Variants in ATP2B4 observed in about 807,000 individuals in gnomAD.
The protein encoded by ATP2B4 is plasma membrane calcium-transporting ATPase 4.
ATP2B4 carries 39 observed loss-of-function variants against 110.3 expected under a neutral mutation model. That is an observed-to-expected ratio of 0.35 (90% CI 0.27 to 0.46). The LOEUF is 0.46. Among genes scored for constraint, ATP2B4 ranks in the 20% least tolerant of loss-of-function variants. The pLI is 1.00. For synonymous variants in ATP2B4, 538 were observed against 571.7 expected (o/e 0.94, Z 0.84); for missense variants, 1,135 against 1,530.9 (o/e 0.74, Z 4.32).
intron 1 of ATP2B4, among the ~76,000 whole-genome samples, chr1:203,637,910 T>C (rs185569698): frequency 9.8e-5 from 15 of 152,316 alleles, no homozygotes; most frequent in Admixed American, 9.1e-4. Flanking sequence ...TCTAGTGGGA[T>C]ACAAGAGCGG....
chr1:203,711,495 T>G (rs1365409056), intron 12 of ATP2B4, among the ~76,000 whole-genome samples: 1 of 152,198 alleles, frequency 6.6e-6, no homozygotes, highest in Non-Finnish European at 1.5e-5. Flanking sequence ...CTAAGAAGTT[T>G]AGACAGATGG....
intron 13 of ATP2B4, among the ~76,000 whole-genome samples, chr1:203,712,603 A>G (rs2102402146): frequency 6.6e-6 from 1 of 151,856 alleles, no homozygotes; most frequent in South Asian, 2.1e-4. Context: ...AAAAGAAAAA[A>G]AAAAGAGGGG....
intron 1 of ATP2B4, among the ~76,000 whole-genome samples, chr1:203,670,168 ACT>A (rs5780189): frequency 0.69 from 103,917 of 150,580 alleles, 39,429 homozygotes; most frequent in Middle Eastern, 0.86. Flanking sequence ...TTGAGTTCAT[ACT>A]CTTTTTTATT....
intron 20 of ATP2B4, among the ~76,000 whole-genome samples, chr1:203,731,781 T>G (rs1571777444): frequency 7.7e-6 from 1 of 129,580 alleles, no homozygotes; most frequent in African/African-American, 3.0e-5. Context: ...ACCCAGCAGA[T>G]GGAGGTTGCA....
rs1571657472 is a variant in ATP2B4, at chr1:203,630,384, TTTTC to T, written c.-465+3166_-465+3169del. The stretch of plus-strand genomic sequence containing the variant: ...CTCTCTCTCTCTTTTTTTTTTTTTT[TTTTC>T]AATGCTCCTGGCCTTGGACCCAGCA... On this transcript the variant is annotated intron_variant, in intron 1 of 20. Coordinates refer to ENST00000357681, the MANE Select transcript of ATP2B4 (RefSeq NM_001684.5). Among the ~76,000 whole-genome samples the T allele has an allele frequency of 4.0e-5, 6 of 150,088 alleles. No homozygotes were observed. In the East Asian group the frequency reaches 1.2e-3, roughly 29 times the overall value.
At chr1:203,646,097 TA>T (rs1663791587) in intron 1 of ATP2B4, among the ~76,000 whole-genome samples, 1 of 152,118 alleles carries the variant, frequency 6.6e-6, no homozygotes, top group Non-Finnish European at 1.5e-5. Context: ...AAGTAATATG[TA>T]AAAAGGATCT....
chr1:203,704,532 G>A (rs1170361550), intron 8 of ATP2B4, among the ~76,000 whole-genome samples: 4 of 133,170 alleles, frequency 3.0e-5, no homozygotes, highest in African/African-American at 8.7e-5. Context: ...CCAGGATGGA[G>A]TGCAGTGGCA....
chr1:203,725,837 C>T (rs972393201), intron 19 of ATP2B4, among the ~76,000 whole-genome samples: 1 of 151,490 alleles, frequency 6.6e-6, no homozygotes, highest in East Asian at 1.9e-4. Flanking sequence ...CTCCCCTAAA[C>T]CTGCTAGTTA....
intron 1 of ATP2B4, among the ~76,000 whole-genome samples, chr1:203,651,231 C>G (rs1284913162): frequency 6.6e-6 from 1 of 151,520 alleles, no homozygotes; most frequent in African/African-American, 2.4e-5. Context: ...TTTTTCTTCT[C>G]TCTCTCTGTC....
intron 18 of ATP2B4, among the ~76,000 whole-genome samples, chr1:203,723,457 T>TCTCTCTCTCTCTCTCC (rs1407579331): frequency 8.8e-6 from 1 of 113,502 alleles, no homozygotes; most frequent in African/African-American, 3.9e-5. Context: ...TCTCTCTCTC[T>TCTCTCTCTCTCTCTCC]CTCCCTCTGC....
chr1:203,716,915 T>C (rs1666172597), intron 15 of ATP2B4, among the ~76,000 whole-genome samples: 1 of 144,810 alleles, frequency 6.9e-6, no homozygotes, highest in African/African-American at 2.5e-5. Context: ...AAAAAGAGAT[T>C]CCCGGCCGGG....
chr1:203,675,507 T>C (rs909776467), intron 1 of ATP2B4, among the ~76,000 whole-genome samples: 1 of 152,166 alleles, frequency 6.6e-6, no homozygotes, highest in African/African-American at 2.4e-5. Flanking sequence ...CAGGACTAGA[T>C]GACTGGGTCC....
Position 203,712,013 on chromosome 1 carries a change from G to A in ATP2B4, c.2085G>A (p.Val695=). ...AAGCTGGCATTACTGTCAGAATGGT[G>A]ACAGGTGACAACATCAACACAGCCC... The part of the protein sequence containing the change: ...CKQAGITVRM[V]TGDNINTARA... The change falls in exon 13 of 21, where the codon GTG becomes GTA. Residue 695 remains valine, a synonymous_variant. Coordinates refer to ENST00000357681, the MANE Select transcript of ATP2B4 (RefSeq NM_001684.5). 1 of 1,614,182 alleles carries A rather than the reference G, an allele frequency of 6.2e-7. No homozygotes were observed. Among genetic ancestry groups the A allele is most frequent in the African/African-American group, 1.3e-5 (1 of 75,060 alleles).
At chr1:203,737,116 T>C (rs1160965929) in intron 20 of ATP2B4, among the ~76,000 whole-genome samples, 1 of 152,200 alleles carries the variant, frequency 6.6e-6, no homozygotes, top group African/African-American at 2.4e-5. Flanking sequence ...ATCTTCCTCA[T>C]TGTTTACCTG....
intron 1 of ATP2B4, among the ~76,000 whole-genome samples, chr1:203,644,591 T>C (rs376406940): frequency 1.1e-4 from 17 of 152,352 alleles, no homozygotes; most frequent in African/African-American, 4.1e-4. Flanking sequence ...ACTTCTAGGA[T>C]GTTTCAACTC....
intron 1 of ATP2B4, among the ~76,000 whole-genome samples, chr1:203,679,967 G>A (rs965619875): frequency 2.0e-5 from 3 of 151,128 alleles, no homozygotes; most frequent in Admixed American, 6.6e-5. Flanking sequence ...AAGCTGAGGC[G>A]GGAGAATCAC....
chr1:203,631,286 G>A (rs759674726), intron 1 of ATP2B4, among the ~76,000 whole-genome samples: 1 of 152,222 alleles, frequency 6.6e-6, no homozygotes, highest in Non-Finnish European at 1.5e-5. Context: ...GTTCCTCTCT[G>A]CCTAAGATCC....
chr1:203,675,638 T>TAAAG (rs779335128), intron 1 of ATP2B4, among the ~76,000 whole-genome samples: 8 of 152,144 alleles, frequency 5.3e-5, no homozygotes, highest in Non-Finnish European at 1.2e-4. Context: ...TTAGATGCTT[T>TAAAG]GACTCTAGTA....
chr1:203,733,460 C>T (rs1345955258), intron 20 of ATP2B4: 2 of 1,449,874 alleles, frequency 1.4e-6, no homozygotes, highest in Admixed American at 2.1e-5. Context: ...GAGCACGTGG[C>T]ATCCACTTTA....
Sources: gnomAD v4.1 joint callset for allele counts (sites outside exome capture counted in the v4.1 genomes callset) on GRCh38, gnomAD v4.1.1 for gene constraint, MANE v1.5 for transcripts, NCBI Gene and HGNC (gene_info 2026-07-23, HGNC 2026-07-21) for gene names.